Variants in GRID2 observed in about 807,000 individuals in gnomAD.
GRID2 encodes the protein glutamate ionotropic receptor delta type subunit 2.
In GRID2, 33 loss-of-function variants were observed where a neutral mutation model predicts 114.8. The observed-to-expected ratio is 0.29, with a 90% CI of 0.22 to 0.38. The LOEUF is 0.38. Among genes scored for constraint, GRID2 ranks in the 10% least tolerant of loss-of-function variants. The pLI is 1.00. For synonymous variants in GRID2, 505 were observed against 449.9 expected (o/e 1.12, Z -1.55); for missense variants, 1,184 against 1,257.7 (o/e 0.94, Z 0.89).
chr4:92,918,814 T>G (rs1184123627), intron 2 of GRID2, among the ~76,000 whole-genome samples: 1 of 152,148 alleles, frequency 6.6e-6, no homozygotes, highest in Non-Finnish European at 1.5e-5. Context: ...AAAATTCTCT[T>G]TTATTGTTGT....
intron 8 of GRID2, among the ~76,000 whole-genome samples, chr4:93,343,572 A>G (rs1759879482): frequency 1.3e-5 from 2 of 152,158 alleles, no homozygotes; most frequent in Non-Finnish European, 2.9e-5. Flanking sequence ...TCTAAAAGTT[A>G]AATTAGTGAT....
intron 2 of GRID2, among the ~76,000 whole-genome samples, chr4:92,896,572 AT>A (rs1560678322): frequency 6.6e-6 from 1 of 150,800 alleles, no homozygotes; most frequent in Non-Finnish European, 1.5e-5. Flanking sequence ...ATATATATAT[AT>A]AGTCAATTGA....
intron 8 of GRID2, among the ~76,000 whole-genome samples, chr4:93,320,047 T>C (rs570086184): frequency 6.6e-6 from 1 of 152,180 alleles, no homozygotes; most frequent in Admixed American, 6.6e-5. Context: ...AATATAACTA[T>C]CTATAAGGAG....
At chr4:93,334,715 G>T (rs565023862) in intron 8 of GRID2, among the ~76,000 whole-genome samples, 9 of 152,246 alleles carry the variant, frequency 5.9e-5, no homozygotes, top group African/African-American at 1.9e-4. Context: ...GATCACCTGA[G>T]GTGAGGAGTT....
At chr4:93,386,696 A>G (rs1764346920) in intron 8 of GRID2, among the ~76,000 whole-genome samples, 1 of 152,168 alleles carries the variant, frequency 6.6e-6, no homozygotes, top group South Asian at 2.1e-4. Context: ...GGGAACCCCA[A>G]ACAAAAAGTT....
rs1378023994 is a variant in GRID2, at chr4:93,706,570, CCTGCAA to C, written c.2361-62637_2361-62632del. 2.6e-5 allele frequency among the ~76,000 whole-genome samples: 4 copies of C among 152,110 alleles called. No individual in the cohort carries two copies. In the East Asian group the frequency reaches 7.7e-4, roughly 29 times the overall value. On this transcript the variant is annotated intron_variant, in intron 14 of 15. Transcript: ENST00000282020. ...TGATTTTTGTATGTTGATTTTGTAT[CCTGCAA>C]CTTTACTAAATTTGTGTATCACCTC...
intron 4 of GRID2, among the ~76,000 whole-genome samples, chr4:93,176,051 A>G (rs1209745528): frequency 1.3e-5 from 2 of 152,238 alleles, no homozygotes. Flanking sequence ...ATGGGTGCAT[A>G]AAAGCAAATT....
intron 1 of GRID2, among the ~76,000 whole-genome samples, chr4:92,382,045 G>A (rs918692747): frequency 1.3e-5 from 2 of 151,784 alleles, no homozygotes; most frequent in Non-Finnish European, 2.9e-5. Context: ...GTATGTCAGT[G>A]AGCATTCCAT....
chr4:93,633,788 T>A (rs1721161904), intron 14 of GRID2, among the ~76,000 whole-genome samples: 2 of 152,178 alleles, frequency 1.3e-5, no homozygotes, highest in South Asian at 2.1e-4. Flanking sequence ...TTATGCTTTT[T>A]CCCACAAGGA....
chr4:92,600,835 C>G (rs1729185780), intron 2 of GRID2, among the ~76,000 whole-genome samples: 1 of 152,186 alleles, frequency 6.6e-6, no homozygotes, highest in African/African-American at 2.4e-5. Context: ...TCTGGTGACC[C>G]CTGTTGGAGA....
chr4:92,983,561 CAT>C (rs1329685957), intron 2 of GRID2, among the ~76,000 whole-genome samples: 2 of 151,540 alleles, frequency 1.3e-5, no homozygotes, highest in Non-Finnish European at 2.9e-5. Flanking sequence ...CTTTTATAAA[CAT>C]ATAGTATATG....
chr4:93,747,631 A>G (rs953943776), intron 14 of GRID2, among the ~76,000 whole-genome samples: 4 of 152,176 alleles, frequency 2.6e-5, no homozygotes, highest in Non-Finnish European at 5.9e-5. Context: ...GTCTAATCAT[A>G]TATACACAAA....
chr4:92,336,882 G>A (rs896505902), intron 1 of GRID2, among the ~76,000 whole-genome samples: 21 of 148,594 alleles, frequency 1.4e-4, no homozygotes, highest in Middle Eastern at 3.6e-3. Context: ...CATGCCCCAC[G>A]ATTCTAATCA....
intron 8 of GRID2, among the ~76,000 whole-genome samples, chr4:93,325,225 T>C (rs1046333259): frequency 1.1e-4 from 16 of 152,214 alleles, no homozygotes; most frequent in Admixed American, 2.0e-4. Flanking sequence ...CCAGAGATTC[T>C]GGTATGTTAT....
intron 13 of GRID2, among the ~76,000 whole-genome samples, chr4:93,579,826 A>G (rs1031748040): frequency 8.6e-5 from 13 of 151,922 alleles, no homozygotes; most frequent in Non-Finnish European, 1.8e-4. Context: ...AGGCTTTCCA[A>G]CTCCCTCTTG....
At chr4:92,536,780 G>T (rs1725657395) in intron 1 of GRID2, among the ~76,000 whole-genome samples, 1 of 151,988 alleles carries the variant, frequency 6.6e-6, no homozygotes, top group Non-Finnish European at 1.5e-5. Flanking sequence ...GAAATGGATG[G>T]CAATAAATGC....
chr4:93,353,691 G>A (rs1761025889), intron 8 of GRID2, among the ~76,000 whole-genome samples: 1 of 151,992 alleles, frequency 6.6e-6, no homozygotes, highest in Non-Finnish European at 1.5e-5. Flanking sequence ...AGCAAGAATG[G>A]AGTTGAGAAA....
chr4:92,650,111 G>A (rs1731851366), intron 2 of GRID2, among the ~76,000 whole-genome samples: 1 of 151,944 alleles, frequency 6.6e-6, no homozygotes, highest in African/African-American at 2.4e-5. Context: ...CATAATATAG[G>A]AGAGGGGAAA....
At chr4:93,525,967 C>CA (rs1207213035) in intron 13 of GRID2, among the ~76,000 whole-genome samples, 1 of 152,148 alleles carries the variant, frequency 6.6e-6, no homozygotes, top group Non-Finnish European at 1.5e-5. Flanking sequence ...TTCTTACTCT[C>CA]AAAGTTACTT....
Sources: gnomAD v4.1 joint callset for allele counts (sites outside exome capture counted in the v4.1 genomes callset) on GRCh38, gnomAD v4.1.1 for gene constraint, MANE v1.5 for transcripts, NCBI Gene and HGNC (gene_info 2026-07-23, HGNC 2026-07-21) for gene names.